TNFRSF21: variants seen among roughly 807,000 people sequenced by gnomAD.
TNFRSF21 encodes TNF receptor superfamily member 21.
TNFRSF21 carries 19 observed loss-of-function variants against 45.6 expected under a neutral mutation model. That is an observed-to-expected ratio of 0.42 (90% confidence interval 0.29 to 0.61). The LOEUF (loss-of-function observed/expected upper bound fraction) is 0.61, where lower values mean the gene tolerates loss of function less well. TNFRSF21 is among the 20% of genes least tolerant of loss of function. TNFRSF21 has a pLI of 0.23. For synonymous variants in TNFRSF21, 314 were observed against 335.5 expected, an observed-to-expected ratio of 0.94 and a Z score of 0.70; for missense variants, 737 against 851.5, an observed-to-expected ratio of 0.87 and a Z score of 1.67.
chr6:47,305,756 C>T (rs765008173), intron 1 of TNFRSF21, among the ~76,000 whole-genome samples: 4 of 152,192 alleles, frequency 2.6e-5, no homozygotes, highest in Non-Finnish European at 4.4e-5. Flanking sequence ...ATTCATAATG[C>T]TTGCAAAAGA....
At chr6:47,283,860 C>T (rs1762606354) in intron 3 of TNFRSF21, 78 bp downstream of exon 3, 5 of 1,536,506 alleles carry the variant, frequency 3.3e-6, no homozygotes, top group Admixed American at 2.0e-5. Flanking sequence ...CTACGCATTC[C>T]CATTCCTTCA....
intron 1 of TNFRSF21, among the ~76,000 whole-genome samples, chr6:47,292,688 T>C (rs1762743884): frequency 6.6e-6 from 1 of 152,236 alleles, no homozygotes; most frequent in Non-Finnish European, 1.5e-5. Flanking sequence ...TAAACATTCA[T>C]GTAATAATTC....
rs533000439 is a variant in TNFRSF21, at chr6:47,273,566, G to C, written c.1243+10372C>G. ...CCACAGCCAACATCATACTGAATGG[G>C]CAAAAACTGGAAACTTTCCCTTTGA... On this transcript the variant is annotated intron_variant, in intron 3 of 5. Coordinates refer to ENST00000296861, the MANE Select transcript of TNFRSF21 (RefSeq NM_014452.5). 1.1e-3 allele frequency among the ~76,000 whole-genome samples: 170 copies of C among 152,252 alleles called. 1 individual carries two copies. The highest frequency in any genetic ancestry group is 3.9e-3 in the African/African-American group (164 of 41,542).
intron 4 of TNFRSF21, among the ~76,000 whole-genome samples, chr6:47,236,096 G>A (rs1764663123): frequency 6.6e-6 from 1 of 152,206 alleles, no homozygotes; most frequent in Non-Finnish European, 1.5e-5. Flanking sequence ...CCAGTAAAGT[G>A]ACTGCGGCCC....
chr6:47,289,960 C>T (rs1413235393), intron 1 of TNFRSF21, among the ~76,000 whole-genome samples: 1 of 152,102 alleles, frequency 6.6e-6, no homozygotes, highest in Non-Finnish European at 1.5e-5. Flanking sequence ...CGCCACTTTA[C>T]TCCACCCTGG....
intron 3 of TNFRSF21, among the ~76,000 whole-genome samples, chr6:47,260,845 A>G (rs1281910022): frequency 2.0e-5 from 3 of 152,232 alleles, no homozygotes; most frequent in Non-Finnish European, 4.4e-5. Context: ...AACTCATCAT[A>G]TAAAAAGATT....
intron 3 of TNFRSF21, among the ~76,000 whole-genome samples, chr6:47,279,033 A>G (rs1407005570): frequency 6.6e-6 from 1 of 152,196 alleles, no homozygotes; most frequent in Non-Finnish European, 1.5e-5. Flanking sequence ...AGTCTGAAGG[A>G]AAAAGGAAAT....
At chr6:47,271,598 T>A (rs1358061541) in intron 3 of TNFRSF21, among the ~76,000 whole-genome samples, 1 of 152,158 alleles carries the variant, frequency 6.6e-6, no homozygotes, top group Non-Finnish European at 1.5e-5. Flanking sequence ...ATGAAGAAAC[T>A]GCATCAATTA....
chr6:47,273,055 A>G (rs554072242), intron 3 of TNFRSF21, among the ~76,000 whole-genome samples: 14 of 152,312 alleles, frequency 9.2e-5, no homozygotes, highest in Non-Finnish European at 1.9e-4. Flanking sequence ...CCAGGACCAG[A>G]TGGATTCACA....
At chr6:47,290,051 A>G (rs990497101) in intron 1 of TNFRSF21, among the ~76,000 whole-genome samples, 3 of 152,166 alleles carry the variant, frequency 2.0e-5, no homozygotes, top group Non-Finnish European at 4.4e-5. Context: ...CTATCTCCCT[A>G]CTAAACACCC....
At position 47,234,716 on chromosome 6, in the gene TNFRSF21, G is replaced by A. The variant is rs1462635244; in HGVS notation, c.1692C>T (p.Ser564=). 2 of 1,611,866 alleles carry A rather than the reference G, an allele frequency of 1.2e-6. No homozygotes were observed. The highest frequency in any genetic ancestry group is 2.2e-5 in the East Asian group (1 of 44,760). The change falls in exon 5 of 6, where the codon TCC becomes TCT. Residue 564 remains serine (S), a synonymous_variant. Transcript: ENST00000296861. ...TCCTGCTCAGCGCGGAGGAGCCGCT[G>A]GATGTAGAGTCACAGCGGAGAAGGG... ...SEPLLRCDST[S]SGSSALSRNG...
chr6:47,306,881 C>G (rs1313392207), intron 1 of TNFRSF21, among the ~76,000 whole-genome samples: 2 of 152,054 alleles, frequency 1.3e-5, no homozygotes, highest in African/African-American at 4.8e-5. Context: ...ACTAACTTGC[C>G]CACCTCCCCC....
intron 3 of TNFRSF21, among the ~76,000 whole-genome samples, chr6:47,256,558 A>G (rs1764991208): frequency 6.6e-6 from 1 of 152,158 alleles, no homozygotes; most frequent in East Asian, 1.9e-4. Flanking sequence ...TTTAAAAAGG[A>G]TGCCACAAAT....
intron 3 of TNFRSF21, among the ~76,000 whole-genome samples, chr6:47,273,934 A>C (rs1450868278): frequency 1.3e-5 from 2 of 152,206 alleles, no homozygotes. Context: ...CTTACAAGGG[A>C]TGTGAGGGAC....
chr6:47,286,400 T>A lies in TNFRSF21; in HGVS notation c.292A>T (p.Arg98Trp), dbSNP rs746388779. The A allele has an allele frequency of 2.2e-5, 36 of 1,614,104 alleles. 2 individuals are homozygous for A. The Admixed American group carries it at 2.3e-4, about 10-fold the overall frequency. The part of the protein sequence containing the change: ...CSSCPVGTFT[R>W]HENGIEKCHD... ...CATTTCTCTATGCCATTCTCATGCC[T>A]GGTAAAGGTCCCCACAGGGCAACTG... The change falls in exon 2 of 6, where the codon AGG becomes TGG. Residue 98 changes from arginine to tryptophan, a missense_variant. By Grantham distance (101) the Arg-to-Trp change is moderately radical. Coordinates refer to ENST00000296861, the MANE Select transcript of TNFRSF21 (RefSeq NM_014452.5).
At chr6:47,297,207 G>T (rs528070297) in intron 1 of TNFRSF21, among the ~76,000 whole-genome samples, 35 of 152,120 alleles carry the variant, frequency 2.3e-4, no homozygotes, top group African/African-American at 8.2e-4. Context: ...AAACACGTTG[G>T]TTTTTTTTAA....
intron 4 of TNFRSF21, among the ~76,000 whole-genome samples, chr6:47,250,611 GA>G (rs923944568): frequency 2.0e-5 from 3 of 152,038 alleles, no homozygotes; most frequent in Non-Finnish European, 2.9e-5. Context: ...ATTGACCATT[GA>G]AAAAAAATAG....
At position 47,284,165 on chromosome 6, in the gene TNFRSF21, T is replaced by C; in HGVS notation, c.1016A>G (p.Asn339Ser). Reference protein sequence around the residue: ...KGPKRGHPRQNLHKHFDINEH... With the variant: ...KGPKRGHPRQSLHKHFDINEH... ...ATTGATGTCAAAATGCTTGTGTAGGTTCTGTCTAGGATGTCCCCTCTTGGG... is the reference window on the plus strand; with the variant it reads ...ATTGATGTCAAAATGCTTGTGTAGGCTCTGTCTAGGATGTCCCCTCTTGGG... Residue 339 changes from asparagine to serine, a missense_variant, in exon 3 of 6, where the codon AAC becomes AGC. By Grantham distance (46) the Asn-to-Ser change is conservative (BLOSUM62 1). Transcript: ENST00000296861. The C allele has an allele frequency of 2.5e-6, 4 of 1,614,148 alleles. No individual in the cohort carries two copies. Among genetic ancestry groups the C allele is most frequent in the Non-Finnish European group, 3.4e-6 (4 of 1,180,030 alleles).
In TNFRSF21 at chr6:47,309,431, C is replaced by T. The variant is rs147477759; in HGVS notation, c.81G>A (p.Ala27=). The change falls in exon 1 of 6, where the codon GCG becomes GCA. Residue 27 remains alanine, a synonymous_variant. Coordinates refer to ENST00000296861, the MANE Select transcript of TNFRSF21 (RefSeq NM_014452.5). ...AAGCGCTCACCAGGAGAAGGGAGCCCGCGATCATCGTGGCTGTGGCTCGGC... is the reference window on the plus strand; with the variant it reads ...AAGCGCTCACCAGGAGAAGGGAGCCTGCGATCATCGTGGCTGTGGCTCGGC... ...IARRATATMI[A]GSLLLLGFLS... is the part of the protein sequence containing the mutation. 207 of 1,550,020 alleles carry T rather than the reference C, an allele frequency of 1.3e-4. No individual in the cohort carries two copies. Among genetic ancestry groups the T allele is most frequent in the Admixed American group, 3.9e-4 (21 of 53,330 alleles).
Sources: gnomAD v4.1 joint callset for allele counts (sites outside exome capture counted in the v4.1 genomes callset) on GRCh38, gnomAD v4.1.1 for gene constraint, MANE v1.5 for transcripts, NCBI Gene and HGNC (gene_info 2026-07-23, HGNC 2026-07-21) for gene names.